Variants in FAM135B observed in about 807,000 individuals in gnomAD.
FAM135B encodes protein FAM135B.
Under a neutral mutation model 127.7 loss-of-function variants are expected in FAM135B, and 43 were observed. The ratio of observed to expected loss-of-function variants is 0.34; its 90% CI spans 0.26 to 0.43. FAM135B has a LOEUF of 0.43. Among genes scored for constraint, FAM135B ranks in the 20% least tolerant of loss-of-function variants. The pLI is 1.00. For missense variants in FAM135B, 1,558 were observed against 1,725.6 expected, an observed-to-expected ratio of 0.90 and a Z score of 1.72; for synonymous variants, 670 against 665.1, an observed-to-expected ratio of 1.01 and a Z score of -0.11.
intron 4 of FAM135B, among the ~76,000 whole-genome samples, chr8:138,259,303 G>A (rs891685838): frequency 6.6e-6 from 1 of 152,130 alleles, no homozygotes; most frequent in Non-Finnish European, 1.5e-5. Flanking sequence ...ACAGCGTGAT[G>A]GCTAAGAGGG....
chr8:138,189,037 A>G (rs744880), intron 9 of FAM135B, among the ~76,000 whole-genome samples: 34,758 of 152,104 alleles, frequency 0.23, 4,510 homozygotes, highest in East Asian at 0.33. Flanking sequence ...ATGTTGCCTT[A>G]TTCAAAACCA....
chr8:138,337,321 C>T (rs1828677511), intron 2 of FAM135B, among the ~76,000 whole-genome samples: 1 of 151,772 alleles, frequency 6.6e-6, no homozygotes, highest in African/African-American at 2.4e-5. Flanking sequence ...TCAAATTGTC[C>T]CTGTTTGCAG....
chr8:138,197,256 G>A (rs1816724259), intron 8 of FAM135B, among the ~76,000 whole-genome samples: 1 of 152,154 alleles, frequency 6.6e-6, no homozygotes, highest in Admixed American at 6.5e-5. Flanking sequence ...AGTGGCAGGT[G>A]TGTAATAGGT....
At chr8:138,384,888 AG>A (rs1832091629) in intron 1 of FAM135B, among the ~76,000 whole-genome samples, 1 of 152,102 alleles carries the variant, frequency 6.6e-6, no homozygotes, top group Admixed American at 6.5e-5. Flanking sequence ...ACTCAGCAGC[AG>A]AGGGGATGGG....
rs1185071088 is a variant in FAM135B at position 138,337,668 on chromosome 8, A to G, written c.78-26748T>C. Among the ~76,000 whole-genome samples the G allele has an allele frequency of 3.9e-5, 6 of 152,248 alleles. No homozygotes were observed. In the East Asian group the frequency reaches 1.2e-3, roughly 29 times the overall value. On this transcript the variant is annotated intron_variant, in intron 2 of 19. Transcript: ENST00000395297. ...TGGGTAGGAAGAATCAATATTGTGA[A>G]AATGGCCAAACTGCCCAAGGTAATT...
intron 3 of FAM135B, among the ~76,000 whole-genome samples, chr8:138,285,410 G>T (rs1824600584): frequency 1.3e-5 from 2 of 152,056 alleles, no homozygotes; most frequent in African/African-American, 2.4e-5. Flanking sequence ...GCCTCCCAAA[G>T]TGCTGGGATT....
chr8:138,415,823 T>TC (rs1834112664), intron 1 of FAM135B, among the ~76,000 whole-genome samples: 1 of 152,164 alleles, frequency 6.6e-6, no homozygotes. Flanking sequence ...ATCCTTCACA[T>TC]CCCCATAGGC....
intron 1 of FAM135B, among the ~76,000 whole-genome samples, chr8:138,473,944 T>C (rs560410302): frequency 7.5e-4 from 114 of 152,264 alleles, no homozygotes; most frequent in African/African-American, 2.7e-3. Flanking sequence ...TTGGGGACCT[T>C]GGCACTACAA....
intron 3 of FAM135B, among the ~76,000 whole-genome samples, chr8:138,298,566 A>T (rs1159036131): frequency 6.6e-6 from 1 of 152,168 alleles, no homozygotes; most frequent in Non-Finnish European, 1.5e-5. Context: ...ATAGAAGATA[A>T]GTGTAAGAGG....
chr8:138,282,727 A>G (rs1329168755), intron 3 of FAM135B, among the ~76,000 whole-genome samples: 7 of 152,194 alleles, frequency 4.6e-5, no homozygotes, highest in Non-Finnish European at 1.5e-5. Flanking sequence ...CATTCACGAC[A>G]TGTGGGAACG....
At chr8:138,448,946 T>A (rs961495535) in intron 1 of FAM135B, among the ~76,000 whole-genome samples, 7 of 152,182 alleles carry the variant, frequency 4.6e-5, no homozygotes, top group Non-Finnish European at 8.8e-5. Context: ...TATACACTAA[T>A]CTTTGTTTGG....
rs144553951 is a variant in FAM135B, at chr8:138,160,922, C to T, written c.1258+6973G>A. ...ACAATACTTACAGAGTAAAAGACAG[C>T]TTTAGAGCCAGAAAAGCCTGATTTT... On this transcript the variant is annotated intron_variant, in intron 12 of 19. Coordinates refer to ENST00000395297, the MANE Select transcript of FAM135B (RefSeq NM_015912.4). Among the ~76,000 whole-genome samples the T allele has an allele frequency of 2.1e-3, 320 of 152,258 alleles. 1 individual carries two copies. The highest frequency in any genetic ancestry group is 6.8e-3 in the Middle Eastern group (2 of 294).
At position 138,152,381 on chromosome 8, in the gene FAM135B, T is replaced by C. The variant is rs1409702194; in HGVS notation, c.2094A>G (p.Ser698=). 5.6e-6 allele frequency: 9 copies of C among 1,614,170 alleles called. No homozygotes were observed. The highest frequency in any genetic ancestry group is 1.1e-5 in the South Asian group (1 of 91,090). The part of the protein sequence containing the change: ...IESEPSSVAW[S]EARSRALELP... ...ACTCCAGAGCCCTGCTTCGGGCCTCTGACCAGGCGACGGAGCTTGGCTCAC... is the reference window on the plus strand; with the variant it reads ...ACTCCAGAGCCCTGCTTCGGGCCTCCGACCAGGCGACGGAGCTTGGCTCAC... The change falls in exon 13 of 20, where the codon TCA becomes TCG. Residue 698 remains serine (S), a synonymous_variant. Transcript: ENST00000395297.
rs750032397 is a variant in FAM135B, at chr8:138,243,257, C to T, written c.543-189G>A. Among the ~76,000 whole-genome samples the T allele has an allele frequency of 2.0e-4, 31 of 152,102 alleles. No individual in the cohort carries two copies. The highest frequency in any genetic ancestry group is 4.1e-4 in the Non-Finnish European group (28 of 68,024). On this transcript the variant is annotated intron_variant, in intron 6 of 19. Coordinates refer to ENST00000395297, the MANE Select transcript of FAM135B (RefSeq NM_015912.4). The surrounding 1 kb of genome is among the most constrained non-coding windows in gnomAD (Gnocchi z 7.5). ...GATGATAAAGAGGGTACAACTGGCA[C>T]GTAAGCTTGAAAGTCAATGATGATA... is the stretch of plus-strand genomic sequence containing the variant.
chr8:138,254,502 T>A (rs1444330125), intron 5 of FAM135B, among the ~76,000 whole-genome samples: 1 of 152,124 alleles, frequency 6.6e-6, no homozygotes, highest in Admixed American at 6.5e-5. Context: ...ATGGAGGCGT[T>A]AATGACAGAA....
chr8:138,474,114 A>G (rs1257803424), intron 1 of FAM135B, among the ~76,000 whole-genome samples: 1 of 152,218 alleles, frequency 6.6e-6, no homozygotes, highest in Non-Finnish European at 1.5e-5. Flanking sequence ...GCTAGTCAAC[A>G]GAAAACAATT....
At chr8:138,221,841 G>A (rs754448301) in intron 7 of FAM135B, among the ~76,000 whole-genome samples, 39 of 152,120 alleles carry the variant, frequency 2.6e-4, no homozygotes, top group Non-Finnish European at 3.1e-4. Flanking sequence ...ATGTATATAT[G>A]AGTGTGCACA....
intron 2 of FAM135B, among the ~76,000 whole-genome samples, chr8:138,329,040 A>C (rs1335525122): frequency 6.6e-6 from 1 of 152,244 alleles, no homozygotes; most frequent in Non-Finnish European, 1.5e-5. Flanking sequence ...CGGTTTATGC[A>C]TGGGCTACAA....
intron 1 of FAM135B, among the ~76,000 whole-genome samples, chr8:138,398,160 T>G (rs760825691): frequency 5.9e-5 from 9 of 152,044 alleles, no homozygotes; most frequent in Non-Finnish European, 1.3e-4. Flanking sequence ...TTCTGTAAAA[T>G]GGAAATGGCA....
Sources: gnomAD v4.1 joint callset for allele counts (sites outside exome capture counted in the v4.1 genomes callset) on GRCh38, gnomAD v4.1.1 for gene constraint, Gnocchi (gnomAD v3.1) non-coding constraint, MANE v1.5 for transcripts, NCBI Gene and HGNC (gene_info 2026-07-23, HGNC 2026-07-21) for gene names.